Variants in LRRC8C observed in about 807,000 individuals in gnomAD.
LRRC8C encodes leucine rich repeat containing 8 VRAC subunit C.
A neutral mutation model predicts 55.3 loss-of-function variants in LRRC8C; 20 were observed. The observed-to-expected ratio is 0.36, with a 90% CI of 0.25 to 0.53. The LOEUF (loss-of-function observed/expected upper bound fraction) is 0.53. Ranked by LOEUF, LRRC8C falls within the 20% of genes least tolerant of loss-of-function variation. The pLI, the probability that LRRC8C is intolerant of heterozygous loss-of-function variation, is 0.92. For missense variants in LRRC8C, 659 were observed against 951.4 expected (o/e 0.69, Z 4.04); for synonymous variants, 376 against 360.7 (o/e 1.04, Z -0.48).
Position 89,671,374 on chromosome 1 carries a change from G to C in LRRC8C, c.-4-15096G>C, listed in dbSNP as rs539209370. Reference sequence around the variant, plus strand: ...AAGAAAAAGAGAAAAGTGAAAAACAGATCAAAGGAGACTATCCTCTGAGCA... The same window carrying C: ...AAGAAAAAGAGAAAAGTGAAAAACACATCAAAGGAGACTATCCTCTGAGCA... On this transcript the variant is annotated intron_variant, in intron 1 of 2. Coordinates refer to ENST00000370454, the MANE Select transcript of LRRC8C (RefSeq NM_032270.5). Among the ~76,000 whole-genome samples the C allele has an allele frequency of 1.6e-3, 235 of 150,066 alleles. 1 individual carries two copies. The highest frequency in any genetic ancestry group is 5.7e-3 in the African/African-American group (226 of 39,412).
chr1:89,684,521 G>A (rs1176180517), intron 1 of LRRC8C, among the ~76,000 whole-genome samples: 12 of 152,184 alleles, frequency 7.9e-5, no homozygotes, highest in Admixed American at 3.9e-4. Context: ...GCAAAATAGA[G>A]TAAGACAGTA....
chr1:89,669,301 A>T (rs1657354174), intron 1 of LRRC8C, among the ~76,000 whole-genome samples: 1 of 152,132 alleles, frequency 6.6e-6, no homozygotes, highest in African/African-American at 2.4e-5. Context: ...CGAGCTGTTA[A>T]TACTAATCAA....
intron 1 of LRRC8C, among the ~76,000 whole-genome samples, chr1:89,664,360 G>A (rs186993025): frequency 8.5e-5 from 13 of 152,172 alleles, no homozygotes; most frequent in African/African-American, 2.6e-4. Context: ...TTCTGCATAC[G>A]GCTAGCCAGT....
the LRRC8C span, among the ~76,000 whole-genome samples, chr1:89,616,878 A>T: frequency 6.6e-6 from 1 of 152,234 alleles, no homozygotes; most frequent in African/African-American, 2.4e-5. Context: ...CAGGGAGGTT[A>T]TGTCTTCATA....
chr1:89,658,499 G>A (rs1366855811), intron 1 of LRRC8C, among the ~76,000 whole-genome samples: 1 of 152,072 alleles, frequency 6.6e-6, no homozygotes, highest in African/African-American at 2.4e-5. Flanking sequence ...TTTATGTAGT[G>A]GAAATGGGGC....
Position 89,713,140 on chromosome 1 carries a change from G to A in LRRC8C, c.570G>A (p.Lys190=). Residue 190 remains lysine, a synonymous_variant, in exon 3 of 3, where the codon AAG becomes AAA. Coordinates refer to ENST00000370454, the MANE Select transcript of LRRC8C (RefSeq NM_032270.5). The surrounding 1 kb of genome is among the most constrained non-coding windows in gnomAD (Gnocchi z 5.2). Reference sequence around the variant, plus strand: ...ACTCAGAAGAAAAGGACAACAGGAAGAACAACATGAACAGGTCCAACACCA... The same window carrying A: ...ACTCAGAAGAAAAGGACAACAGGAAAAACAACATGAACAGGTCCAACACCA... ...GEDSEEKDNR[K]NNMNRSNTIQ... The A allele has an allele frequency of 1.2e-6, 2 of 1,614,002 alleles. No individual in the cohort carries two copies. The highest frequency in any genetic ancestry group is 1.7e-6 in the Non-Finnish European group (2 of 1,180,032).
intron 1 of LRRC8C, among the ~76,000 whole-genome samples, chr1:89,646,466 G>A (rs1361115756): frequency 6.6e-6 from 1 of 152,040 alleles, no homozygotes; most frequent in Non-Finnish European, 1.5e-5. Context: ...AAGAATGCAA[G>A]GTTGGTTTAA....
chr1:89,694,655 A>T (rs988744930), intron 2 of LRRC8C, among the ~76,000 whole-genome samples: 2 of 130,524 alleles, frequency 1.5e-5, no homozygotes, highest in South Asian at 2.5e-4. Flanking sequence ...GTGCATTGGC[A>T]TGATCTCACT....
At chr1:89,708,097 C>T (rs944170743) in intron 2 of LRRC8C, among the ~76,000 whole-genome samples, 1 of 151,484 alleles carries the variant, frequency 6.6e-6, no homozygotes, top group Non-Finnish European at 1.5e-5. Context: ...ACTTCTCCCC[C>T]CAGTTTCTTC....
intron 2 of LRRC8C, among the ~76,000 whole-genome samples, chr1:89,693,087 G>A (rs1203523378): frequency 1.3e-5 from 2 of 152,002 alleles, no homozygotes; most frequent in Non-Finnish European, 2.9e-5. Flanking sequence ...AATTTGGAGG[G>A]GAAAAAAGAA....
At chr1:89,675,192 C>CA in intron 1 of LRRC8C, among the ~76,000 whole-genome samples, 1 of 151,654 alleles carries the variant, frequency 6.6e-6, no homozygotes, top group Admixed American at 6.6e-5. Flanking sequence ...CTCAAAAAAA[C>CA]AAAAAAACAA....
intron 2 of LRRC8C, among the ~76,000 whole-genome samples, chr1:89,699,779 G>C (rs570711378): frequency 7.9e-5 from 12 of 152,294 alleles, no homozygotes; most frequent in Non-Finnish European, 1.6e-4. Context: ...AGCAAGAGTT[G>C]TGAATAAGAC....
At chr1:89,620,277 C>T in the LRRC8C span, among the ~76,000 whole-genome samples, 6 of 152,122 alleles carry the variant, frequency 3.9e-5, no homozygotes, top group East Asian at 1.2e-3. Context: ...TACTATCACA[C>T]TGGGAATTAG....
the LRRC8C span, among the ~76,000 whole-genome samples, chr1:89,624,153 A>G: frequency 9.1e-3 from 1,387 of 152,292 alleles, 31 homozygotes; most frequent in African/African-American, 0.032. Flanking sequence ...GGGAATATCA[A>G]CCTTTTATGA....
chr1:89,623,245 T>C, the LRRC8C span, among the ~76,000 whole-genome samples: 21 of 152,320 alleles, frequency 1.4e-4, no homozygotes, highest in African/African-American at 5.1e-4. Flanking sequence ...AGAATTGATT[T>C]TTAAATAATT....
intron 1 of LRRC8C, among the ~76,000 whole-genome samples, chr1:89,651,567 C>CAAAAAA (rs1179039674): frequency 2.5e-5 from 1 of 40,722 alleles, no homozygotes; most frequent in Non-Finnish European, 5.4e-5. Context: ...GACTCTGTCT[C>CAAAAAA]AAAAAAAAAA....
chr1:89,619,719 G>T, the LRRC8C span, among the ~76,000 whole-genome samples: 4 of 151,788 alleles, frequency 2.6e-5, no homozygotes, highest in African/African-American at 9.7e-5. Context: ...GAAAAAAATG[G>T]AAAACTTTAA....
In LRRC8C at chr1:89,713,568, C is replaced by T. The variant is rs764598758; in HGVS notation, c.998C>T (p.Thr333Met). ...YLCFVSIYGL[T>M]CLYTLYWLFY... ...TGCTTTGTTAGTATCTATGGATTGA[C>T]GTGCCTTTATACCTTATACTGGCTG... Residue 333 changes from threonine (T) to methionine (M), a missense_variant, in exon 3 of 3, where the codon ACG becomes ATG. By Grantham distance (81) the Thr-to-Met change is moderately conservative. This residue lies in a region of LRRC8C where 200 missense variants were observed against 360.5 expected (regional missense o/e 0.55). Transcript: ENST00000370454. This position sits in a 1 kb window ranked among gnomAD's most constrained non-coding sequence, Gnocchi z 5.2. The T allele has an allele frequency of 5.0e-6, 8 of 1,613,988 alleles. No individual in the cohort carries two copies. Among genetic ancestry groups the T allele is most frequent in the Middle Eastern group, 3.3e-4 (2 of 6,084 alleles).
At chr1:89,656,275 C>T (rs986677101) in intron 1 of LRRC8C, among the ~76,000 whole-genome samples, 3 of 152,332 alleles carry the variant, frequency 2.0e-5, no homozygotes, top group Non-Finnish European at 2.9e-5. Context: ...GTTTCTGGAT[C>T]GCAGTGGTCA....
Sources: allele counts gnomAD v4.1 joint callset (sites outside exome capture counted in the v4.1 genomes callset), GRCh38; gene constraint gnomAD v4.1.1; regional missense constraint gnomAD v4.1.1; non-coding constraint Gnocchi (gnomAD v3.1); transcripts MANE v1.5; gene names NCBI Gene and HGNC (gene_info 2026-07-23, HGNC 2026-07-21).